CTDSP2: variants seen among roughly 807,000 people sequenced by gnomAD.
The protein encoded by CTDSP2 is carboxy-terminal domain RNA polymerase II polypeptide A small phosphatase 2.
Under a neutral mutation model 31.6 loss-of-function variants are expected in CTDSP2, and 9 were observed. The observed-to-expected ratio is 0.28, with a 90% CI of 0.17 to 0.50. The LOEUF is 0.50. Among genes scored for constraint, CTDSP2 ranks in the 20% least tolerant of loss-of-function variants. CTDSP2 has a pLI of 0.98. For synonymous variants in CTDSP2, 134 were observed against 134.5 expected (o/e 1.00, Z 0.03); for missense variants, 267 against 348.5 (o/e 0.77, Z 1.86).
rs536032155 is a variant in CTDSP2, at chr12:57,822,783, A to C, written c.*819T>G. 6.6e-6 allele frequency: 1 copy of C among 152,480 alleles called. No individual in the cohort carries two copies. The highest frequency in any genetic ancestry group is 2.1e-4 in the South Asian group (1 of 4,824). 9.4% of individuals were successfully genotyped at this position (152,480 alleles called of 1,614,324 possible). On this transcript the variant is annotated 3_prime_UTR_variant, in exon 8 of 8. Transcript: ENST00000398073. ...CAGGACTGTAACTTTGTCAGAAACA[A>C]ACCAGGCCCAACACTCTGTGTTTAG...
At chr12:57,839,608 C>T (rs919264309) in intron 1 of CTDSP2, among the ~76,000 whole-genome samples, 2 of 152,120 alleles carry the variant, frequency 1.3e-5, no homozygotes, top group African/African-American at 4.8e-5. Context: ...GTCCCAGCTA[C>T]TCAGGAGGCT....
intron 3 of CTDSP2, 73 bp downstream of exon 3, chr12:57,827,479 C>T (rs1007771057): frequency 4.6e-6 from 7 of 1,532,962 alleles, no homozygotes; most frequent in Middle Eastern, 1.7e-4. Context: ...CTATGCACAT[C>T]ACCCTGCCCG....
rs112867807 is a variant in CTDSP2, at chr12:57,830,135, C to T, written c.65-539G>A. Among the ~76,000 whole-genome samples, 313 of 152,280 alleles carry T rather than the reference C, an allele frequency of 2.1e-3. 1 individual carries two copies. Among genetic ancestry groups the T allele is most frequent in the African/African-American group, 7.1e-3 (295 of 41,534 alleles). On this transcript the variant is annotated intron_variant, in intron 1 of 7. Transcript: ENST00000398073. ...GTGCAGTGGCTCACGCCTGTAATTC[C>T]AGCACTTTGGGAGGCCAAAGCGGGT...
intron 1 of CTDSP2, among the ~76,000 whole-genome samples, chr12:57,829,917 A>G (rs916023793): frequency 2.8e-4 from 42 of 152,264 alleles, no homozygotes; most frequent in African/African-American, 9.9e-4. Context: ...CACACTCAAA[A>G]TTAATTCACG....
chr12:57,826,519 G>T, intron 4 of CTDSP2, 117 bp from the exon 5 acceptor site: 1 of 912,554 alleles, frequency 1.1e-6, no homozygotes, highest in Non-Finnish European at 1.7e-6. Flanking sequence ...AGTGCCTCTG[G>T]CCACCTCATT....
chr12:57,839,824 T>A (rs1322968024), intron 1 of CTDSP2, among the ~76,000 whole-genome samples: 1 of 152,040 alleles, frequency 6.6e-6, no homozygotes, highest in Admixed American at 6.6e-5. Flanking sequence ...GTTTTCCTTA[T>A]CTGTAAAGTG....
At chr12:57,834,867 A>C (rs1194987175) in intron 1 of CTDSP2, among the ~76,000 whole-genome samples, 1 of 152,224 alleles carries the variant, frequency 6.6e-6, no homozygotes, top group Non-Finnish European at 1.5e-5. Context: ...TCATGCCTGT[A>C]ATCCCAGCAC....
At chr12:57,824,507 C>T (rs541070010) in intron 5 of CTDSP2, 188 bp from the exon 6 acceptor site, 1 of 663,462 alleles carries the variant, frequency 1.5e-6, no homozygotes, top group Non-Finnish European at 2.8e-6. Flanking sequence ...GTACCCCTCA[C>T]CAGGCTTCCA....
chr12:57,839,068 G>A (rs1039957069), intron 1 of CTDSP2, among the ~76,000 whole-genome samples: 5 of 152,124 alleles, frequency 3.3e-5, no homozygotes, highest in Non-Finnish European at 7.4e-5. Flanking sequence ...ATTGAGGCTG[G>A]CCAACCAGTT....
chr12:57,823,292 T>C lies in CTDSP2; in HGVS notation c.*310A>G, dbSNP rs112495394. On this transcript the variant is annotated 3_prime_UTR_variant, in exon 8 of 8. Coordinates refer to ENST00000398073, the MANE Select transcript of CTDSP2 (RefSeq NM_005730.4). ...AGCTAACTTGGGAAGAGTCTTGGTC[T>C]TTCAGCTTCTCCCCCACTGAAACAC... The C allele has an allele frequency of 1.5e-5, 6 of 389,764 alleles. No homozygotes were observed. In the East Asian group the frequency reaches 1.6e-4, roughly 10 times the overall value. The allele number at this position is 389,764 out of a possible 1,614,324, so 24.1% of individuals were successfully genotyped here. A position where few individuals can be genotyped will look rare whatever the true frequency, so the allele number is the denominator to read the frequency against.
chr12:57,824,096 GGA>G lies in CTDSP2; in HGVS notation c.505-9_505-8del, dbSNP rs1233962741. ...CTGTCACAGGGTCGGCATACTAGGA[GGA>G]GAGAAGATGCCTTAGTTTGGATACA... On this transcript the variant is annotated splice_polypyrimidine_tract_variant and splice_region_variant and intron_variant, in intron 6 of 7. Transcript: ENST00000398073. 2.5e-6 allele frequency: 4 copies of G among 1,613,816 alleles called. No homozygotes were observed. The highest frequency in any genetic ancestry group is 3.4e-6 in the Non-Finnish European group (4 of 1,179,868).
intron 1 of CTDSP2, among the ~76,000 whole-genome samples, chr12:57,832,043 A>T (rs144787226): frequency 2.3e-3 from 344 of 152,328 alleles, no homozygotes; most frequent in Admixed American, 5.0e-3. Flanking sequence ...CATCACTCCT[A>T]GGATAAGGGA....
chr12:57,836,845 T>C (rs1350870740), intron 1 of CTDSP2, among the ~76,000 whole-genome samples: 3 of 152,188 alleles, frequency 2.0e-5, no homozygotes, highest in South Asian at 4.1e-4. Context: ...AGGTAACCTC[T>C]GAGACAATCA....
At position 57,823,034 on chromosome 12, in the gene CTDSP2, T is replaced by TG. The variant is rs202129830; in HGVS notation, c.*567dup. On this transcript the variant is annotated 3_prime_UTR_variant, in exon 8 of 8. Coordinates refer to ENST00000398073, the MANE Select transcript of CTDSP2 (RefSeq NM_005730.4). ...ACAAGACCTGATGGCCACTGGATGC[T>TG]GGTCTGGAAACAAGTTCTCATCTTC... The TG allele has an allele frequency of 5.4e-3, 844 of 156,076 alleles. 4 individuals are homozygous for TG. The highest frequency in any genetic ancestry group is 8.2e-3 in the Non-Finnish European group (575 of 70,058). The allele number at this position is 156,076 out of a possible 1,614,324, so 9.7% of individuals were successfully genotyped here. A position where few individuals can be genotyped will look rare whatever the true frequency, so the allele number is the denominator to read the frequency against.
At chr12:57,844,830 G>A (rs954468801) in intron 1 of CTDSP2, among the ~76,000 whole-genome samples, 1 of 151,964 alleles carries the variant, frequency 6.6e-6, no homozygotes, top group African/African-American at 2.4e-5. Flanking sequence ...AGTAGGCAAG[G>A]CCATCCCTTC....
rs1956140161 is a variant in CTDSP2 at position 57,820,797 on chromosome 12, G to A, written c.*2805C>T. ...TGACCCTTTTCCAAACTGGTCCTGTGTCCAAAGCTCCCCCTATGAGAGGGA... is the reference window on the plus strand; with the variant it reads ...TGACCCTTTTCCAAACTGGTCCTGTATCCAAAGCTCCCCCTATGAGAGGGA... On this transcript the variant is annotated 3_prime_UTR_variant, in exon 8 of 8. Transcript: ENST00000398073. 1.3e-5 allele frequency: 2 copies of A among 152,264 alleles called. No individual in the cohort carries two copies. The highest frequency in any genetic ancestry group is 1.3e-4 in the Admixed American group (2 of 15,280). 9.4% of individuals were successfully genotyped at this position (152,264 alleles called of 1,614,324 possible).
Position 57,829,312 on chromosome 12 carries a change from T to C in CTDSP2, c.213+136A>G. 3.1e-6 allele frequency: 3 copies of C among 957,802 alleles called. No homozygotes were observed. In the South Asian group the frequency reaches 4.6e-5, roughly 15 times the overall value. The allele number at this position is 957,802 out of a possible 1,614,324, so 59.3% of individuals were successfully genotyped here. ...AGGAAATACACTACTTATGGAAGGA[T>C]GGAGGAAGGGCCCCCTCTCAGCCAG... On this transcript the variant is annotated intron_variant, in intron 2 of 7. Transcript: ENST00000398073.
intron 1 of CTDSP2, among the ~76,000 whole-genome samples, chr12:57,843,984 GGAGTC>G (rs1956297736): frequency 6.6e-6 from 1 of 152,004 alleles, no homozygotes; most frequent in South Asian, 2.1e-4. Flanking sequence ...GATCACCTCA[GGAGTC>G]GAGACCAGCC....
At chr12:57,832,818 A>AAAAAG (rs55900895) in intron 1 of CTDSP2, among the ~76,000 whole-genome samples, 2 of 129,770 alleles carry the variant, frequency 1.5e-5, no homozygotes, top group Non-Finnish European at 3.3e-5. Context: ...AAAAAAAAAA[A>AAAAAG]GGAAAAGAAA....
Sources: gnomAD v4.1 joint callset for allele counts (sites outside exome capture counted in the v4.1 genomes callset) on GRCh38, gnomAD v4.1.1 for gene constraint, MANE v1.5 for transcripts, NCBI Gene and HGNC (gene_info 2026-07-23, HGNC 2026-07-21) for gene names.